DIAPH3: variants seen among roughly 807,000 people sequenced by gnomAD.
DIAPH3 encodes the protein diaphanous related formin 3.
In DIAPH3, 117 loss-of-function variants were observed where a neutral mutation model predicts 144.3. The ratio of observed to expected loss-of-function variants is 0.81; its 90% CI spans 0.70 to 0.95. The LOEUF is 0.95. Ranked by LOEUF, DIAPH3 falls within the 40% of genes least tolerant of loss-of-function variation. The pLI is 0.00. For synonymous variants in DIAPH3, 519 were observed against 488.9 expected (o/e 1.06, Z -0.81); for missense variants, 1,421 against 1,412.7 (o/e 1.01, Z -0.09).
intron 20 of DIAPH3, among the ~76,000 whole-genome samples, chr13:59,897,181 G>A (rs1269154245): frequency 6.6e-6 from 1 of 152,170 alleles, no homozygotes; most frequent in Non-Finnish European, 1.5e-5. Context: ...AAAGAGTCAG[G>A]GAGGAGTCAG....
intron 20 of DIAPH3, among the ~76,000 whole-genome samples, chr13:59,880,598 A>G (rs960452190): frequency 6.6e-6 from 1 of 152,154 alleles, no homozygotes; most frequent in Non-Finnish European, 1.5e-5. Flanking sequence ...TACTTAAAAT[A>G]TACTAGACAA....
intron 14 of DIAPH3, among the ~76,000 whole-genome samples, chr13:59,979,153 G>A (rs976042683): frequency 6.6e-6 from 1 of 151,622 alleles, no homozygotes; most frequent in African/African-American, 2.4e-5. Context: ...ACTAAAAGGA[G>A]ACAAGTAACC....
intron 2 of DIAPH3, among the ~76,000 whole-genome samples, chr13:60,119,418 A>G (rs550096920): frequency 4.5e-4 from 68 of 152,324 alleles, no homozygotes; most frequent in African/African-American, 1.6e-3. Context: ...CCAGCTAAGC[A>G]ACTACCAAAT....
intron 17 of DIAPH3, among the ~76,000 whole-genome samples, chr13:59,948,736 T>C (rs928517392): frequency 6.6e-6 from 1 of 152,134 alleles, no homozygotes; most frequent in Non-Finnish European, 1.5e-5. Flanking sequence ...ACTGGGGTTG[T>C]AGGTGTGAGC....
At chr13:60,019,561 A>C (rs1022808318) in intron 5 of DIAPH3, among the ~76,000 whole-genome samples, 1 of 151,952 alleles carries the variant, frequency 6.6e-6, no homozygotes, top group African/African-American at 2.4e-5. Flanking sequence ...AGGGGTCTCA[A>C]TATAGGAGAA....
intron 27 of DIAPH3, among the ~76,000 whole-genome samples, chr13:59,738,970 CCT>C (rs1432045038): frequency 1.3e-5 from 2 of 152,048 alleles, no homozygotes; most frequent in Admixed American, 1.3e-4. Context: ...TTTTTTTCCC[CCT>C]TTTTGAATTT....
At chr13:60,059,696 G>A (rs144319889) in intron 4 of DIAPH3, among the ~76,000 whole-genome samples, 112 of 151,986 alleles carry the variant, frequency 7.4e-4, no homozygotes, top group African/African-American at 2.6e-3. Flanking sequence ...AAGTTGGGGG[G>A]TGGGGGAGCT....
intron 5 of DIAPH3, among the ~76,000 whole-genome samples, chr13:60,035,065 G>A (rs569325501): frequency 2.0e-5 from 3 of 151,768 alleles, no homozygotes; most frequent in East Asian, 1.9e-4. Flanking sequence ...ATGTATATAC[G>A]CCATGTATAT....
At chr13:59,675,432 T>G (rs1363982952) in intron 27 of DIAPH3, among the ~76,000 whole-genome samples, 1 of 151,726 alleles carries the variant, frequency 6.6e-6, no homozygotes, top group African/African-American at 2.4e-5. Flanking sequence ...TCGCCCAGGC[T>G]GGAGTGCAGT....
intron 13 of DIAPH3, 140 bp from the exon 14 acceptor site, chr13:59,980,999 A>G (rs2050970433): frequency 4.4e-6 from 3 of 678,292 alleles, no homozygotes; most frequent in Admixed American, 2.8e-5. Context: ...AAAAAATATT[A>G]TAATGTTGGA....
At position 59,929,502 on chromosome 13, in the gene DIAPH3, C is replaced by T. The variant is rs1040790530; in HGVS notation, c.2075-4632G>A. Reference sequence around the variant, plus strand: ...TCTTAAGTACTATAGATTTATGATACGTTTTATTCATTGGCTGTTCAAATT... The same window carrying T: ...TCTTAAGTACTATAGATTTATGATATGTTTTATTCATTGGCTGTTCAAATT... On this transcript the variant is annotated intron_variant, in intron 17 of 27. Transcript: ENST00000400324. 1.0e-4 allele frequency among the ~76,000 whole-genome samples: 15 copies of T among 146,108 alleles called. No individual in the cohort carries two copies. In the South Asian group the frequency reaches 1.1e-3, roughly 11 times the overall value.
At chr13:59,871,204 G>C (rs942386881) in intron 21 of DIAPH3, among the ~76,000 whole-genome samples, 6 of 144,502 alleles carry the variant, frequency 4.2e-5, no homozygotes, top group African/African-American at 1.0e-4. Context: ...TTGGGGGGGG[G>C]GGTGGCGGGC....
At chr13:59,744,432 G>T (rs866878101) in intron 27 of DIAPH3, among the ~76,000 whole-genome samples, 4 of 152,208 alleles carry the variant, frequency 2.6e-5, no homozygotes, top group Non-Finnish European at 2.9e-5. Context: ...TCCATTACAA[G>T]CTTGTCCAAC....
intron 4 of DIAPH3, among the ~76,000 whole-genome samples, chr13:60,072,977 T>C (rs2057262241): frequency 6.6e-6 from 1 of 152,192 alleles, no homozygotes; most frequent in Admixed American, 6.5e-5. Context: ...GTGTATTTTC[T>C]ACAATGATAA....
rs1402524350 is a variant in DIAPH3, at chr13:59,781,302, AAG to A, written c.3164-6481_3164-6480del. ...TTCTGAAGCGAAATTATTTCCAGTG[AAG>A]AAATGATTATGTTGCTAATCAGACA... is the stretch of plus-strand genomic sequence containing the variant. On this transcript the variant is annotated intron_variant, in intron 25 of 27. Transcript: ENST00000400324. 3.9e-5 allele frequency among the ~76,000 whole-genome samples: 6 copies of A among 152,244 alleles called. No individual in the cohort carries two copies. The East Asian group carries it at 1.2e-3, about 29-fold the overall frequency.
chr13:59,880,936 C>T (rs1207682914), intron 20 of DIAPH3, among the ~76,000 whole-genome samples: 1 of 144,708 alleles, frequency 6.9e-6, no homozygotes, highest in African/African-American at 2.6e-5. Context: ...TCTTCATATT[C>T]CACTGTCTAG....
At chr13:59,886,015 G>A (rs968967741) in intron 20 of DIAPH3, among the ~76,000 whole-genome samples, 10 of 151,998 alleles carry the variant, frequency 6.6e-5, no homozygotes, top group Admixed American at 4.6e-4. Flanking sequence ...TAATACTTTC[G>A]TATGAGTGTT....
At chr13:59,928,756 T>C (rs1019493977) in intron 17 of DIAPH3, among the ~76,000 whole-genome samples, 2 of 152,152 alleles carry the variant, frequency 1.3e-5, no homozygotes, top group African/African-American at 4.8e-5. Context: ...GGTGGGTCTG[T>C]CCTTGAGCCC....
chr13:60,142,720 T>C (rs2059451530), intron 1 of DIAPH3, among the ~76,000 whole-genome samples: 1 of 152,160 alleles, frequency 6.6e-6, no homozygotes. Context: ...CTGATTTACC[T>C]CAGCATCTCC....
Sources: allele counts gnomAD v4.1 joint callset (sites outside exome capture counted in the v4.1 genomes callset), GRCh38; gene constraint gnomAD v4.1.1; transcripts MANE v1.5; gene names NCBI Gene and HGNC (gene_info 2026-07-23, HGNC 2026-07-21).